Variants in RNF213 observed in about 807,000 individuals in gnomAD.
RNF213 encodes the protein ring finger protein 213.
A neutral mutation model predicts 514.4 loss-of-function variants in RNF213; 341 were observed. The observed-to-expected ratio is 0.66, with a 90% CI of 0.61 to 0.73. The LOEUF is 0.73. Among genes scored for constraint, RNF213 ranks in the 30% least tolerant of loss-of-function variants. RNF213 has a pLI of 0.00. For missense variants in RNF213, 5,767 were observed against 6,615.6 expected (o/e 0.87, Z 4.45); for synonymous variants, 2,655 against 2,658.2 (o/e 1.00, Z 0.04).
chr17:80,372,946 A>C, intron 48 of RNF213, 29 bp from the exon 49 acceptor site: 2 of 1,606,048 alleles, frequency 1.2e-6, no homozygotes, highest in Non-Finnish European at 1.7e-6. Flanking sequence ...GTCACCAGCC[A>C]CTCACCCGCT....
intron 11 of RNF213, among the ~76,000 whole-genome samples, chr17:80,304,187 A>G (rs571820101): frequency 6.6e-6 from 1 of 152,010 alleles, no homozygotes; most frequent in Non-Finnish European, 1.5e-5. Flanking sequence ...CTTTATTGAT[A>G]TGTTTTTCAT....
At chr17:80,309,460 G>A (rs945712753) in intron 14 of RNF213, among the ~76,000 whole-genome samples, 6 of 152,166 alleles carry the variant, frequency 3.9e-5, no homozygotes, top group African/African-American at 1.2e-4. Flanking sequence ...GAGAGCTGGC[G>A]CAGGGGCTGG....
Position 80,372,734 on chromosome 17 carries a change from G to GGCAAGTCTTCTCTGCCTTGCTTTCCT in RNF213, c.12751+1_12751+26dup. Reference sequence around the variant, plus strand: ...CCTCTCGGAGCCTGAGGGAGGCCCAGGCAAGTCTTCTCTGCCTTGCTTTCC... The same window carrying GGCAAGTCTTCTCTGCCTTGCTTTCCT: ...CCTCTCGGAGCCTGAGGGAGGCCCAGGCAAGTCTTCTCTGCCTTGCTTTCCTGCAAGTCTTCTCTGCCTTGCTTTCC... On this transcript the variant is annotated frameshift_variant and splice_region_variant. Transcript: ENST00000582970. LOFTEE classifies it high-confidence loss of function. The GGCAAGTCTTCTCTGCCTTGCTTTCCT allele has an allele frequency of 1.9e-6, 3 of 1,613,102 alleles. No homozygotes were observed. Among genetic ancestry groups the GGCAAGTCTTCTCTGCCTTGCTTTCCT allele is most frequent in the Non-Finnish European group, 2.5e-6 (3 of 1,179,964 alleles).
At chr17:80,374,044 G>A (rs1370522249) in intron 49 of RNF213, among the ~76,000 whole-genome samples, 1 of 150,280 alleles carries the variant, frequency 6.7e-6, no homozygotes, top group Non-Finnish European at 1.5e-5. Context: ...AGGCCTCTCA[G>A]TGGTCCTTTC....
chr17:80,350,629 A>T (rs528140363), intron 31 of RNF213, among the ~76,000 whole-genome samples: 3 of 152,346 alleles, frequency 2.0e-5, no homozygotes, highest in Admixed American at 2.0e-4. Context: ...ACAGAGCAAG[A>T]CCTCATTTCT....
intron 36 of RNF213, among the ~76,000 whole-genome samples, chr17:80,356,174 G>A (rs191523834): frequency 3.2e-4 from 48 of 152,206 alleles, no homozygotes; most frequent in Admixed American, 5.9e-4. Flanking sequence ...GCTACTTTTG[G>A]TATTTTTAGT....
chr17:80,363,725 C>T lies in RNF213; in HGVS notation c.11685C>T (p.Leu3895=). 1.9e-6 allele frequency: 3 copies of T among 1,613,822 alleles called. No homozygotes were observed. Among genetic ancestry groups the T allele is most frequent in the Non-Finnish European group, 2.5e-6 (3 of 1,179,910 alleles). The change falls in exon 41 of 68, where the codon CTC becomes CTT. Residue 3895 remains leucine (L), a synonymous_variant. Transcript: ENST00000582970. ...AGAATCTTTCCATGCCGCTGGAGCT[C>T]ATCTGCTCCGATGAGCACATGCAAG... ...LVKNLSMPLE[L]ICSDEHMQGS... is the part of the protein sequence containing the mutation.
rs1195393318 is a variant in RNF213 at position 80,317,534 on chromosome 17, C to T, written c.2901+257C>T. Among the ~76,000 whole-genome samples, 4 of 152,268 alleles carry T rather than the reference C, an allele frequency of 2.6e-5. No homozygotes were observed. The highest frequency in any genetic ancestry group is 6.8e-3 in the Middle Eastern group (2 of 294). On this transcript the variant is annotated intron_variant, in intron 16 of 67. Coordinates refer to ENST00000582970, the MANE Select transcript of RNF213 (RefSeq NM_001256071.3). This position sits in a 1 kb window ranked among gnomAD's most constrained non-coding sequence, Gnocchi z 4.1. ...ATGGGGGTGCGGGATTTTTCCTGAC[C>T]CCTTCGTTGGACTTGCGACAGGGAT...
rs1316963955 is a variant in RNF213, at chr17:80,347,356, G to A, written c.9021G>A (p.Lys3007=). The A allele has an allele frequency of 6.2e-7, 1 of 1,613,832 alleles. No homozygotes were observed. Among genetic ancestry groups the A allele is most frequent in the African/African-American group, 1.3e-5 (1 of 74,936 alleles). The change falls in exon 29 of 68, where the codon AAG becomes AAA. Residue 3007 remains lysine (K), a synonymous_variant. Transcript: ENST00000582970. The surrounding 1 kb of genome is among the most constrained non-coding windows in gnomAD (Gnocchi z 7.2). ...DIFLANLPEA[K]CSEEVSPMQL... ...TTCTGGCCAATTTGCCCGAGGCCAA[G>A]TGCTCAGAGGAAGTCAGCCCCATGC...
chr17:80,319,150 A>C, intron 16 of RNF213, 40 bp from the exon 17 acceptor site: 1 of 1,614,162 alleles, frequency 6.2e-7, no homozygotes, highest in Non-Finnish European at 8.5e-7. Flanking sequence ...GGAGCGCTGC[A>C]TCCGAAAGCT....
chr17:80,270,672 C>G (rs1318247364), intron 2 of RNF213, among the ~76,000 whole-genome samples: 2 of 152,142 alleles, frequency 1.3e-5, no homozygotes, highest in Admixed American at 1.3e-4. Flanking sequence ...AGCGGCCTGT[C>G]TGTCTTTAGG....
Position 80,368,107 on chromosome 17 carries a change from C to G in RNF213, c.12119C>G (p.Pro4040Arg). Residue 4040 changes from proline (P) to arginine (R), a missense_variant, in exon 44 of 68, where the codon CCA (proline) becomes CGA (arginine). Pro to Arg is a moderately radical substitution (Grantham distance 103). Transcript: ENST00000582970. ...TGCCCCTACTGTTTAACTGCCTTGC[C>G]AGACGAATTCTCTCCAGCTGTTTCC... ...MICPYCLTAL[P>R]DEFSPAVSQA... 6.2e-7 allele frequency: 1 copy of G among 1,614,256 alleles called. No homozygotes were observed.
chr17:80,285,686 TG>T (rs748376526), intron 3 of RNF213, among the ~76,000 whole-genome samples: 60 of 151,062 alleles, frequency 4.0e-4, no homozygotes, highest in South Asian at 6.3e-4. Context: ...TTTTTTTTTT[TG>T]TGAGATGGAG....
chr17:80,379,552 C>T, intron 54 of RNF213, 68 bp from the exon 55 acceptor site: 1 of 1,390,370 alleles, frequency 7.2e-7, no homozygotes, highest in Non-Finnish European at 1.0e-6. Flanking sequence ...TGTTCATTTG[C>T]ATGATGGCAT....
At chr17:80,366,560 T>G (rs2079281271) in intron 42 of RNF213, among the ~76,000 whole-genome samples, 1 of 152,220 alleles carries the variant, frequency 6.6e-6, no homozygotes, top group Non-Finnish European at 1.5e-5. Context: ...TCAAGTCCTT[T>G]GCCCATTTTT....
At chr17:80,319,515 C>T (rs745765799) in intron 17 of RNF213, 5 of 1,613,278 alleles carry the variant, frequency 3.1e-6, no homozygotes, top group African/African-American at 2.7e-5. Flanking sequence ...TGCACAGTCC[C>T]TGCTGCTCGC....
intron 18 of RNF213, among the ~76,000 whole-genome samples, chr17:80,326,506 C>T (rs2046285819): frequency 6.6e-6 from 1 of 152,148 alleles, no homozygotes; most frequent in East Asian, 1.9e-4. Context: ...CTGGTGTTGT[C>T]CATTCTCTGA....
At chr17:80,368,341 C>T (rs1156415392) in intron 44 of RNF213, among the ~76,000 whole-genome samples, 198 bp downstream of exon 44, 1 of 152,020 alleles carries the variant, frequency 6.6e-6, no homozygotes, top group Non-Finnish European at 1.5e-5. Context: ...AAGACATACA[C>T]ATACAGATTT....
chr17:80,340,564 A>C (rs1027193210), intron 26 of RNF213: 5 of 516,050 alleles, frequency 9.7e-6, no homozygotes, highest in Non-Finnish European at 1.7e-5. Context: ...TGGGAGCCCC[A>C]TTCCCTTCCT....
Sources: gnomAD v4.1 joint callset for allele counts (sites outside exome capture counted in the v4.1 genomes callset) on GRCh38, gnomAD v4.1.1 for gene constraint, Gnocchi (gnomAD v3.1) non-coding constraint, MANE v1.5 for transcripts, NCBI Gene and HGNC (gene_info 2026-07-23, HGNC 2026-07-21) for gene names.